EFR3A: variants seen among roughly 807,000 people sequenced by gnomAD.
The protein encoded by EFR3A is EFR3 homolog A.
Under a neutral mutation model 104.4 loss-of-function variants are expected in EFR3A, and 76 were observed. That is an observed-to-expected ratio of 0.73 (90% CI 0.60 to 0.88). The LOEUF (loss-of-function observed/expected upper bound fraction) is 0.88. Ranked by LOEUF, EFR3A falls within the 40% of genes least tolerant of loss-of-function variation. The pLI is 0.00. For synonymous variants in EFR3A, 330 were observed against 330.0 expected (o/e 1.00, Z 0.00); for missense variants, 985 against 1,012.5 (o/e 0.97, Z 0.37).
chr8:131,930,937 A>G (rs1817569690), intron 1 of EFR3A, among the ~76,000 whole-genome samples: 1 of 152,156 alleles, frequency 6.6e-6, no homozygotes, highest in Non-Finnish European at 1.5e-5. Flanking sequence ...TAACTTAGGT[A>G]AGGACAGTTT....
At chr8:131,983,926 G>A (rs1268927944) in intron 14 of EFR3A, among the ~76,000 whole-genome samples, 1 of 151,978 alleles carries the variant, frequency 6.6e-6, no homozygotes, top group Non-Finnish European at 1.5e-5. Context: ...TTTTATTTAA[G>A]GTTTGTCTTC....
chr8:131,912,357 AAG>A (rs777550721), intron 1 of EFR3A, among the ~76,000 whole-genome samples: 4 of 152,192 alleles, frequency 2.6e-5, no homozygotes, highest in Non-Finnish European at 4.4e-5. Context: ...AATAGGAAAA[AAG>A]ATATTATTTA....
rs191885370 is a variant in EFR3A at position 132,012,645 on chromosome 8, A to G, written c.*1750A>G. On this transcript the variant is annotated 3_prime_UTR_variant, in exon 23 of 23. Transcript: ENST00000254624. ...AAGAAGGATGTTAATTTTTGACTAT[A>G]TATTTTAAAAAAATCTAAGCAGGGG... is the stretch of plus-strand genomic sequence containing the variant. 5.9e-5 allele frequency: 9 copies of G among 152,672 alleles called. No homozygotes were observed. In the East Asian group the frequency reaches 1.5e-3, roughly 26 times the overall value. 9.5% of individuals were successfully genotyped at this position (152,672 alleles called of 1,614,324 possible).
intron 1 of EFR3A, among the ~76,000 whole-genome samples, chr8:131,935,709 T>C (rs1357313101): frequency 6.6e-6 from 1 of 152,102 alleles, no homozygotes; most frequent in African/African-American, 2.4e-5. Flanking sequence ...CCAGTGACAG[T>C]GTTACTAACT....
chr8:131,918,120 C>G (rs1816830938), intron 1 of EFR3A, among the ~76,000 whole-genome samples: 1 of 152,152 alleles, frequency 6.6e-6, no homozygotes, highest in South Asian at 2.1e-4. Context: ...AACCCCATCT[C>G]TACTAAAAAT....
At chr8:131,946,664 T>C (rs1157520991) in intron 4 of EFR3A, 31 bp downstream of exon 4, 3 of 1,500,612 alleles carry the variant, frequency 2.0e-6, no homozygotes, top group Non-Finnish European at 2.7e-6. Context: ...ACTAAATGTA[T>C]GCTTAATTAG....
Position 131,970,506 on chromosome 8 carries a change from T to C in EFR3A, c.1022T>C (p.Leu341Pro), listed in dbSNP as rs1563676834. ...ACAGTGCTGGAAGTCTTCAATACCC[T>C]TTTGAAACATCTGCGTCTCAGCGTT... ...GPTVLEVFNT[L>P]LKHLRLSVEF... The change falls in exon 10 of 23, where the codon CTT becomes CCT. Residue 341 changes from leucine to proline, a missense_variant. By Grantham distance (98) the Leu-to-Pro change is moderately conservative. Transcript: ENST00000254624. 2 of 1,613,778 alleles carry C rather than the reference T, an allele frequency of 1.2e-6. No homozygotes were observed. The highest frequency in any genetic ancestry group is 8.5e-7 in the Non-Finnish European group (1 of 1,179,736).
At chr8:131,946,689 A>G in intron 4 of EFR3A, 56 bp downstream of exon 4, 4 of 1,414,712 alleles carry the variant, frequency 2.8e-6, no homozygotes, top group South Asian at 1.6e-5. Flanking sequence ...TCTAGAATTA[A>G]TTACTTCTTA....
chr8:131,985,127 GATT>G, intron 16 of EFR3A, 67 bp downstream of exon 16: 3 of 1,475,342 alleles, frequency 2.0e-6, no homozygotes, highest in Non-Finnish European at 2.8e-6. Context: ...TTCCAGTGAT[GATT>G]ATTTTTAACT....
rs1365572338 is a variant in EFR3A at position 131,970,498 on chromosome 8, C to T, written c.1014C>T (p.Phe338=). 6.2e-7 allele frequency: 1 copy of T among 1,613,810 alleles called. No homozygotes were observed. The highest frequency in any genetic ancestry group is 8.5e-7 in the Non-Finnish European group (1 of 1,179,780). The change falls in exon 10 of 23, where the codon TTC becomes TTT. Residue 338 remains phenylalanine (F), a synonymous_variant. Transcript: ENST00000254624. ...TAGGTCCGACAGTGCTGGAAGTCTT[C>T]AATACCCTTTTGAAACATCTGCGTC... ...GSIGPTVLEV[F]NTLLKHLRLS...
intron 1 of EFR3A, among the ~76,000 whole-genome samples, chr8:131,913,478 TTTTAC>T (rs1816614742): frequency 6.6e-6 from 1 of 151,474 alleles, no homozygotes; most frequent in Non-Finnish European, 1.5e-5. Flanking sequence ...TTTTTTTTAA[TTTTAC>T]TTCTGAATCA....
At chr8:131,961,245 A>G (rs1363247675) in intron 8 of EFR3A, among the ~76,000 whole-genome samples, 1 of 152,218 alleles carries the variant, frequency 6.6e-6, no homozygotes, top group Non-Finnish European at 1.5e-5. Context: ...AGAAGGCTTC[A>G]GACGATCAAA....
chr8:132,005,618 G>T (rs1280451168), intron 22 of EFR3A, among the ~76,000 whole-genome samples: 1 of 152,068 alleles, frequency 6.6e-6, no homozygotes, highest in Non-Finnish European at 1.5e-5. Flanking sequence ...AGAGAAATGT[G>T]TGTGACATTG....
rs189901624 is a variant in EFR3A at position 131,948,648 on chromosome 8, C to T, written c.367-1321C>T. 6.7e-3 allele frequency among the ~76,000 whole-genome samples: 1,016 copies of T among 152,112 alleles called. 4 individuals are homozygous for T. The highest frequency in any genetic ancestry group is 0.017 in the Middle Eastern group (5 of 294). On this transcript the variant is annotated intron_variant, in intron 4 of 22. Transcript: ENST00000254624. ...GGGGGAGAATTTTAGTATACATTTCCGGAAATTTCTTTACTTTCACCCAGC... is the reference window on the plus strand; with the variant it reads ...GGGGGAGAATTTTAGTATACATTTCTGGAAATTTCTTTACTTTCACCCAGC...
At chr8:131,949,829 T>G in intron 4 of EFR3A, 140 bp from the exon 5 acceptor site, 2 of 780,578 alleles carry the variant, frequency 2.6e-6, no homozygotes, top group Non-Finnish European at 3.9e-6. Context: ...GAAAGTTTCT[T>G]CTGTATTAAT....
chr8:131,974,338 T>C (rs1393622580), intron 10 of EFR3A, among the ~76,000 whole-genome samples: 2 of 152,198 alleles, frequency 1.3e-5, no homozygotes, highest in Admixed American at 6.5e-5. Context: ...ATGATAGTGC[T>C]TGCTAACTCC....
intron 19 of EFR3A, 42 bp from the exon 20 acceptor site, chr8:132,001,717 G>A (rs774066933): frequency 1.3e-6 from 2 of 1,550,264 alleles, no homozygotes; most frequent in South Asian, 1.1e-5. Flanking sequence ...TATTTATATT[G>A]ACCCTTTTTA....
chr8:131,953,041 CTT>C (rs955623918), intron 5 of EFR3A, among the ~76,000 whole-genome samples: 2 of 152,064 alleles, frequency 1.3e-5, no homozygotes, highest in Non-Finnish European at 2.9e-5. Context: ...CTGCTTGAGA[CTT>C]TGTTCTTTTG....
chr8:131,977,936 GTT>G (rs763164207), intron 12 of EFR3A, among the ~76,000 whole-genome samples: 24 of 151,956 alleles, frequency 1.6e-4, no homozygotes, highest in Admixed American at 1.3e-4. Flanking sequence ...TCTTATAGCA[GTT>G]TTAAAATTTT....
Sources: gnomAD v4.1 joint callset for allele counts (sites outside exome capture counted in the v4.1 genomes callset) on GRCh38, gnomAD v4.1.1 for gene constraint, MANE v1.5 for transcripts, NCBI Gene and HGNC (gene_info 2026-07-23, HGNC 2026-07-21) for gene names.